DUSP6: variants seen among roughly 807,000 people sequenced by gnomAD.
The protein encoded by DUSP6 is dual specificity phosphatase 6.
DUSP6 carries 6 observed loss-of-function variants against 28.0 expected under a neutral mutation model. The ratio of observed to expected loss-of-function variants is 0.21; its 90% CI spans 0.12 to 0.42. The LOEUF is 0.42. Among genes scored for constraint, DUSP6 ranks in the 10% least tolerant of loss-of-function variants. DUSP6 has a pLI of 1.00. For synonymous variants in DUSP6, 252 were observed against 217.5 expected, an observed-to-expected ratio of 1.16 and a Z score of -1.40; for missense variants, 451 against 498.1, an observed-to-expected ratio of 0.91 and a Z score of 0.90.
rs1235171339 is a variant in DUSP6, at chr12:89,348,911, T to C, written c.*343A>G. On this transcript the variant is annotated 3_prime_UTR_variant, in exon 3 of 3. Transcript: ENST00000279488. ...TTCCAGATGCAAAAGGAAACAGCCT[T>C]ACAAGGCCCTAAAGAACACATGCTC... 4.9e-6 allele frequency: 1 copy of C among 204,384 alleles called. No homozygotes were observed. Among genetic ancestry groups the C allele is most frequent in the Non-Finnish European group, 9.9e-6 (1 of 100,672 alleles). 12.7% of individuals were successfully genotyped at this position (204,384 alleles called of 1,614,324 possible).
rs1019789722 is a variant in DUSP6, at chr12:89,347,577, A to G, written c.*1677T>C. On this transcript the variant is annotated 3_prime_UTR_variant, in exon 3 of 3. Transcript: ENST00000279488. ...CTGGATTCAGCATTCTCACACTAGG[A>G]TATCTGCAGGTAGAATTGCCCATGA... 1.3e-5 allele frequency: 2 copies of G among 152,222 alleles called. No homozygotes were observed. Among genetic ancestry groups the G allele is most frequent in the African/African-American group, 4.8e-5 (2 of 41,454 alleles). The allele number at this position is 152,222 out of a possible 1,614,324, so 9.4% of individuals were successfully genotyped here.
chr12:89,348,276 T>A lies in DUSP6; in HGVS notation c.*978A>T, dbSNP rs1476663182. ...TTAAAGGAAAGAAACCAACCCAAAG[T>A]ATTGCATTTGAGGTGACACTCCCTG... On this transcript the variant is annotated 3_prime_UTR_variant, in exon 3 of 3. Transcript: ENST00000279488. 6.6e-6 allele frequency: 1 copy of A among 152,622 alleles called. No individual in the cohort carries two copies. The highest frequency in any genetic ancestry group is 6.5e-5 in the Admixed American group (1 of 15,282). 9.5% of individuals were successfully genotyped at this position (152,622 alleles called of 1,614,324 possible).
intron 1 of DUSP6, chr12:89,351,323 T>C: frequency 1.7e-6 from 1 of 576,612 alleles, no homozygotes; most frequent in Non-Finnish European, 3.0e-6. Context: ...TCTCCCGTCC[T>C]GCAAATCTTA....
Position 89,349,197 on chromosome 12 carries a change from C to T in DUSP6, c.*57G>A. ...AAAGAAAGCAGCCCAGCTGATGCTG[C>T]CAAGAGAAACTGCTGAAGGGCCAGA... On this transcript the variant is annotated 3_prime_UTR_variant, in exon 3 of 3. Coordinates refer to ENST00000279488, the MANE Select transcript of DUSP6 (RefSeq NM_001946.4). 13 of 1,541,134 alleles carry T rather than the reference C, an allele frequency of 8.4e-6. No individual in the cohort carries two copies. Among genetic ancestry groups the T allele is most frequent in the Non-Finnish European group, 1.1e-5 (13 of 1,140,248 alleles).
rs757489434 is a variant in DUSP6, at chr12:89,351,908, T to C, written c.132A>G (p.Leu44=). ...CCGACTCGATGTGCGACGACTCGTA[T>C]AGCTCCTGCGGCCGGCAGTCCATCA... ...LLLMDCRPQE[L]YESSHIESAI... Residue 44 remains leucine, a synonymous_variant, in exon 1 of 3, where the codon CTA becomes CTG. Transcript: ENST00000279488. 6.2e-7 allele frequency: 1 copy of C among 1,612,894 alleles called. No homozygotes were observed. The highest frequency in any genetic ancestry group is 2.2e-5 in the East Asian group (1 of 44,872).
chr12:89,349,396 T>TTCAA lies in DUSP6; in HGVS notation c.1003_1004insTTGA (p.Asn335IlefsTer21). The TTCAA allele has an allele frequency of 6.2e-7, 1 of 1,614,076 alleles. No individual in the cohort carries two copies. The highest frequency in any genetic ancestry group is 8.5e-7 in the Non-Finnish European group (1 of 1,180,008). ...GAAGTCCAGCAGCTGACCCATGAAGTTGAAGTTAGGGGATATGTTGGATTT... is the reference window on the plus strand; with the variant it reads ...GAAGTCCAGCAGCTGACCCATGAAGTTCAATGAAGTTAGGGGATATGTTGGATTT... On this transcript the variant is annotated frameshift_variant, in exon 3 of 3. Transcript: ENST00000279488. LOFTEE classifies it high-confidence loss of function.
At chr12:89,350,417 T>G (rs1043823636) in intron 2 of DUSP6, among the ~76,000 whole-genome samples, 171 bp downstream of exon 2, 1 of 152,098 alleles carries the variant, frequency 6.6e-6, no homozygotes. Flanking sequence ...AAAAGGCAGG[T>G]TTTCTTCCTT....
chr12:89,347,521 G>C lies in DUSP6; in HGVS notation c.*1733C>G, dbSNP rs984868268. On this transcript the variant is annotated 3_prime_UTR_variant, in exon 3 of 3. Transcript: ENST00000279488. ...GAAGCTTAGATATGCCTTGCCATGC[G>C]CATGCTAGGGGAAAAAGTGGAGACA... is the stretch of plus-strand genomic sequence containing the variant. The C allele has an allele frequency of 9.2e-5, 14 of 152,168 alleles. No individual in the cohort carries two copies. Among genetic ancestry groups the C allele is most frequent in the African/African-American group, 3.1e-4 (13 of 41,430 alleles). 9.4% of individuals were successfully genotyped at this position (152,168 alleles called of 1,614,324 possible). A position where few individuals can be genotyped will look rare whatever the true frequency, so the allele number is the denominator to read the frequency against.
Position 89,349,171 on chromosome 12 carries a change from C to T in DUSP6, c.*83G>A. ...TCATTTTGACACCTGGGGCCACACA[C>T]AAAGAAAGCAGCCCAGCTGATGCTG... On this transcript the variant is annotated 3_prime_UTR_variant, in exon 3 of 3. Coordinates refer to ENST00000279488, the MANE Select transcript of DUSP6 (RefSeq NM_001946.4). 1 of 1,466,760 alleles carries T rather than the reference C, an allele frequency of 6.8e-7. No homozygotes were observed. The highest frequency in any genetic ancestry group is 9.2e-7 in the Non-Finnish European group (1 of 1,087,818). 90.9% of individuals were successfully genotyped at this position (1,466,760 alleles called of 1,614,324 possible).
intron 1 of DUSP6, 98 bp downstream of exon 1, chr12:89,351,542 C>G: frequency 6.9e-7 from 1 of 1,439,770 alleles, no homozygotes; most frequent in Non-Finnish European, 9.1e-7. Context: ...CTCCGAAGCT[C>G]CAGCTGAGCG....
chr12:89,349,344 T>G lies in DUSP6; in HGVS notation c.1056A>C (p.Pro352=). ...GCTGTGCTGGAACCCTGTTGTCACA[T>G]GGGCTGCTGAGTCCCAGCGTCCTCT... is the stretch of plus-strand genomic sequence containing the variant. The part of the protein sequence containing the change: ...DFERTLGLSS[P]CDNRVPAQQL... Residue 352 remains proline (P), a synonymous_variant, in exon 3 of 3, where the codon CCA becomes CCC. Coordinates refer to ENST00000279488, the MANE Select transcript of DUSP6 (RefSeq NM_001946.4). 1.2e-6 allele frequency: 2 copies of G among 1,614,210 alleles called. No individual in the cohort carries two copies. The highest frequency in any genetic ancestry group is 1.7e-6 in the Non-Finnish European group (2 of 1,180,034).
chr12:89,350,031 T>C (rs891619074), intron 2 of DUSP6, among the ~76,000 whole-genome samples: 4 of 152,200 alleles, frequency 2.6e-5, no homozygotes, highest in Non-Finnish European at 4.4e-5. Flanking sequence ...ATGAGTTCCT[T>C]TGTAATAGGA....
At position 89,352,117 on chromosome 12, in the gene DUSP6, C is replaced by A. The variant is rs1879223818; in HGVS notation, c.-78G>T. 2 of 1,527,884 alleles carry A rather than the reference C, an allele frequency of 1.3e-6. No homozygotes were observed. The highest frequency in any genetic ancestry group is 1.8e-6 in the Non-Finnish European group (2 of 1,136,972). 94.6% of individuals were successfully genotyped at this position (1,527,884 alleles called of 1,614,324 possible). On this transcript the variant is annotated 5_prime_UTR_variant, in exon 1 of 3. Transcript: ENST00000279488. ...AGGCATAGGCCGAGCGCACCGCGCG[C>A]GAAGCTGCCGCTCTCGGAGCGGGGT...
In DUSP6 at chr12:89,347,531, G is replaced by A. The variant is rs1489505891; in HGVS notation, c.*1723C>T. 6.6e-6 allele frequency: 1 copy of A among 152,098 alleles called. No homozygotes were observed. The highest frequency in any genetic ancestry group is 1.9e-4 in the East Asian group (1 of 5,194). The allele number at this position is 152,098 out of a possible 1,614,324, so 9.4% of individuals were successfully genotyped here. A position where few individuals can be genotyped will look rare whatever the true frequency, so the allele number is the denominator to read the frequency against. On this transcript the variant is annotated 3_prime_UTR_variant, in exon 3 of 3. Transcript: ENST00000279488. ...TATGCCTTGCCATGCGCATGCTAGGGGAAAAAGTGGAGACATCATTCTGGA... is the reference window on the plus strand; with the variant it reads ...TATGCCTTGCCATGCGCATGCTAGGAGAAAAAGTGGAGACATCATTCTGGA...
intron 2 of DUSP6, 110 bp downstream of exon 2, chr12:89,350,478 T>G (rs1219199397): frequency 3.6e-6 from 4 of 1,120,672 alleles, no homozygotes; most frequent in Admixed American, 2.1e-5. Flanking sequence ...ATTAGAGACC[T>G]GCAGTCAGAC....
At position 89,348,871 on chromosome 12, in the gene DUSP6, C is replaced by T. The variant is rs2120492067; in HGVS notation, c.*383G>A. ...AAATTGAATTAGTCTTCATTGAAGA[C>T]AATTATATAGTCAGTTCCAGATGCA... On this transcript the variant is annotated 3_prime_UTR_variant, in exon 3 of 3. Transcript: ENST00000279488. The T allele has an allele frequency of 5.9e-6, 1 of 169,188 alleles. No individual in the cohort carries two copies. Among genetic ancestry groups the T allele is most frequent in the South Asian group, 1.8e-4 (1 of 5,580 alleles). The allele number at this position is 169,188 out of a possible 1,614,324, so 10.5% of individuals were successfully genotyped here.
chr12:89,350,516 C>T, intron 2 of DUSP6, 72 bp downstream of exon 2: 1 of 1,436,866 alleles, frequency 7.0e-7, no homozygotes, highest in South Asian at 1.3e-5. Context: ...GAACGATTAA[C>T]AGCTTAAACT....
Position 89,351,042 on chromosome 12 carries a change from A to G in DUSP6, c.401-17T>C. ...TGAAGCCACCTGCCAGAACGAGAAA[A>G]GCAATCATCTAACCTGAGAAGCCGT... On this transcript the variant is annotated splice_polypyrimidine_tract_variant and intron_variant, in intron 1 of 2. Coordinates refer to ENST00000279488, the MANE Select transcript of DUSP6 (RefSeq NM_001946.4). 1.9e-6 allele frequency: 3 copies of G among 1,562,812 alleles called. No individual in the cohort carries two copies. The highest frequency in any genetic ancestry group is 1.7e-6 in the Non-Finnish European group (2 of 1,158,766).
Position 89,350,985 on chromosome 12 carries a change from G to A in DUSP6, c.441C>T (p.Cys147=). The change falls in exon 2 of 3, where the codon TGC becomes TGT. Residue 147 remains cysteine, a synonymous_variant. Coordinates refer to ENST00000279488, the MANE Select transcript of DUSP6 (RefSeq NM_001946.4). ...SKFQAEFSLH[C]ETNLDGSCSS... is the part of the protein sequence containing the mutation. ...TACACGAGCCGTCTAGATTGGTCTCGCAATGCAGGGAGAACTCGGCTTGGA... is the reference window on the plus strand; with the variant it reads ...TACACGAGCCGTCTAGATTGGTCTCACAATGCAGGGAGAACTCGGCTTGGA... The A allele has an allele frequency of 6.2e-7, 1 of 1,609,908 alleles. No homozygotes were observed.
Sources: gnomAD v4.1 joint callset for allele counts (sites outside exome capture counted in the v4.1 genomes callset) on GRCh38, gnomAD v4.1.1 for gene constraint, MANE v1.5 for transcripts, NCBI Gene and HGNC (gene_info 2026-07-23, HGNC 2026-07-21) for gene names.